The following CNTNAP3 variants were observed in gnomAD, a reference collection of about 807,000 sequenced individuals.
CNTNAP3 encodes the protein contactin-associated protein-like 3.
Under a neutral mutation model 92.1 loss-of-function variants are expected in CNTNAP3, and 36 were observed. That is an observed-to-expected ratio of 0.39 (90% confidence interval 0.30 to 0.52). The LOEUF (loss-of-function observed/expected upper bound fraction) is 0.52, where lower values mean the gene tolerates loss of function less well. Among genes scored for constraint, CNTNAP3 ranks in the 20% least tolerant of loss-of-function variants. The pLI is 0.76. For missense variants in CNTNAP3, 534 were observed against 1,069.6 expected (o/e 0.50, Z 6.98); for synonymous variants, 232 against 422.3 (o/e 0.55, Z 5.53).
intron 15 of CNTNAP3, among the ~76,000 whole-genome samples, chr9:39,107,110 G>T (rs183068572): frequency 1.8e-3 from 272 of 152,022 alleles, no homozygotes; most frequent in Middle Eastern, 3.4e-3. Flanking sequence ...CCATATAAAT[G>T]AATTAAATGT....
intron 13 of CNTNAP3, among the ~76,000 whole-genome samples, chr9:39,123,252 G>T (rs1388026023): frequency 6.6e-6 from 1 of 151,744 alleles, no homozygotes; most frequent in African/African-American, 2.4e-5. Flanking sequence ...CCGCCACCAC[G>T]CCCGGCTAAT....
chr9:39,108,447 C>A (rs114746926), intron 15 of CNTNAP3, among the ~76,000 whole-genome samples: 1,864 of 152,278 alleles, frequency 0.012, 44 homozygotes, highest in South Asian at 0.085. Context: ...CCTTGGTGAA[C>A]CACCTCTCTC....
intron 14 of CNTNAP3, among the ~76,000 whole-genome samples, chr9:39,116,611 G>A (rs566124216): frequency 6.6e-6 from 1 of 152,266 alleles, no homozygotes; most frequent in African/African-American, 2.4e-5. Context: ...GTTACTCACT[G>A]CACTAAAACT....
At chr9:39,115,771 AT>A (rs1239406760) in intron 14 of CNTNAP3, among the ~76,000 whole-genome samples, 1 of 152,060 alleles carries the variant, frequency 6.6e-6, no homozygotes, top group Non-Finnish European at 1.5e-5. Context: ...GGCTAAGGGT[AT>A]CAGAGGACCT....
chr9:39,149,695 G>A (rs1237287439), intron 10 of CNTNAP3, 111 bp downstream of exon 10: 10 of 758,392 alleles, frequency 1.3e-5, no homozygotes, highest in Non-Finnish European at 2.1e-5. Flanking sequence ...ATTCCCTCTC[G>A]AAAGATAACA....
intron 13 of CNTNAP3, among the ~76,000 whole-genome samples, chr9:39,120,526 C>G (rs571661874): frequency 6.6e-6 from 1 of 152,024 alleles, no homozygotes. Flanking sequence ...AAAAAATAGA[C>G]GAGCGTAGTG....
chr9:39,213,900 C>T, intron 3 of CNTNAP3, among the ~76,000 whole-genome samples: 1 of 15,910 alleles, frequency 6.3e-5, no homozygotes, highest in Non-Finnish European at 3.4e-4. Context: ...GAAGCCATTC[C>T]TAAACCTGAA....
At position 39,071,002 on chromosome 9, in the gene CNTNAP3, G is replaced by T. The variant is rs1825625532; in HGVS notation, c.*2888C>A. On this transcript the variant is annotated 3_prime_UTR_variant, in exon 24 of 24. Coordinates refer to ENST00000297668, the MANE Select transcript of CNTNAP3 (RefSeq NM_033655.5). ...TGGATTGAAGTTAAGAGAGAGAAGTGCCAGGAGTTCAGTCCACGCATGACA... is the reference window on the plus strand; with the variant it reads ...TGGATTGAAGTTAAGAGAGAGAAGTTCCAGGAGTTCAGTCCACGCATGACA... 6.6e-6 allele frequency among the ~76,000 whole-genome samples: 1 copy of T among 152,234 alleles called. No homozygotes were observed. The highest frequency in any genetic ancestry group is 6.5e-5 in the Admixed American group (1 of 15,284).
intron 13 of CNTNAP3, among the ~76,000 whole-genome samples, chr9:39,125,483 T>C (rs550397116): frequency 6.6e-6 from 1 of 152,172 alleles, no homozygotes; most frequent in African/African-American, 2.4e-5. Context: ...GTTGTGCACA[T>C]GTACCCTAGA....
chr9:39,114,207 C>T (rs1199277091), intron 14 of CNTNAP3, among the ~76,000 whole-genome samples: 3 of 151,540 alleles, frequency 2.0e-5, no homozygotes, highest in African/African-American at 7.3e-5. Flanking sequence ...CTCAGCCTCC[C>T]GAGTAGCTGG....
intron 13 of CNTNAP3, among the ~76,000 whole-genome samples, chr9:39,123,122 T>G (rs1367697756): frequency 7.3e-6 from 1 of 136,810 alleles, no homozygotes; most frequent in East Asian, 2.1e-4. Flanking sequence ...TGAGATGGAG[T>G]CTCTCTCTGT....
chr9:39,121,512 A>T lies in CNTNAP3; in HGVS notation c.2081-3253T>A, dbSNP rs1321716040. On this transcript the variant is annotated intron_variant, in intron 13 of 23. Coordinates refer to ENST00000297668, the MANE Select transcript of CNTNAP3 (RefSeq NM_033655.5). Reference sequence around the variant, plus strand: ...TAAACAGTTCTTCTTACACAGTTAAAGTCATAGGGCAAACATTACTCCTAA... The same window carrying T: ...TAAACAGTTCTTCTTACACAGTTAATGTCATAGGGCAAACATTACTCCTAA... Among the ~76,000 whole-genome samples the T allele has an allele frequency of 2.6e-5, 4 of 152,202 alleles. No homozygotes were observed. The East Asian group carries it at 7.7e-4, about 29-fold the overall frequency.
intron 13 of CNTNAP3, among the ~76,000 whole-genome samples, chr9:39,128,276 A>G (rs1047190635): frequency 1.3e-5 from 2 of 151,902 alleles, no homozygotes; most frequent in Non-Finnish European, 2.9e-5. Context: ...GAAACCAGAT[A>G]AAGACAATAT....
chr9:39,132,510 T>C lies in CNTNAP3; in HGVS notation c.2080+422A>G, dbSNP rs149078741. ...TGAGGAAGGGCATATTCAGTTAATC[T>C]AAAGGGAGGAAACAAACGTTCCAGG... On this transcript the variant is annotated intron_variant, in intron 13 of 23. Coordinates refer to ENST00000297668, the MANE Select transcript of CNTNAP3 (RefSeq NM_033655.5). Among the ~76,000 whole-genome samples the C allele has an allele frequency of 2.7e-3, 405 of 152,146 alleles. 2 individuals are homozygous for C. The highest frequency in any genetic ancestry group is 9.2e-3 in the African/African-American group (382 of 41,492).
At chr9:39,128,190 A>G (rs1821192924) in intron 13 of CNTNAP3, among the ~76,000 whole-genome samples, 1 of 151,996 alleles carries the variant, frequency 6.6e-6, no homozygotes, top group South Asian at 2.1e-4. Context: ...TCAATTTTAC[A>G]TAATCTCTTC....
Position 39,126,732 on chromosome 9 carries a change from T to TA in CNTNAP3, c.2080+6199dup, listed in dbSNP as rs566801920. Among the ~76,000 whole-genome samples the TA allele has an allele frequency of 2.6e-3, 392 of 151,904 alleles. 2 individuals carry two copies. Among genetic ancestry groups the TA allele is most frequent in the African/African-American group, 8.8e-3 (366 of 41,440 alleles). Reference sequence around the variant, plus strand: ...AATTTCTATGTAAACTTAAAATTGCTAAAAAATATAAAGCCTATTAATATA... The same window carrying TA: ...AATTTCTATGTAAACTTAAAATTGCTAAAAAAATATAAAGCCTATTAATATA... On this transcript the variant is annotated intron_variant, in intron 13 of 23. Transcript: ENST00000297668.
At chr9:39,116,519 A>G (rs542022306) in intron 14 of CNTNAP3, among the ~76,000 whole-genome samples, 5 of 152,234 alleles carry the variant, frequency 3.3e-5, no homozygotes, top group Non-Finnish European at 5.9e-5. Context: ...ATTGTACAAA[A>G]CCATTTTAAC....
chr9:39,145,954 T>A (rs1387232600), intron 10 of CNTNAP3, among the ~76,000 whole-genome samples: 4 of 146,474 alleles, frequency 2.7e-5, no homozygotes, highest in African/African-American at 7.5e-5. Context: ...CATCTTAAGA[T>A]CATACCTGAC....
chr9:39,087,489 TTTTG>T (rs1316791828), intron 19 of CNTNAP3, among the ~76,000 whole-genome samples: 29 of 151,672 alleles, frequency 1.9e-4, no homozygotes, highest in African/African-American at 6.5e-4. Context: ...AGATTTTTTT[TTTTG>T]TTTGTTTGTT....
Sources: allele counts gnomAD v4.1 joint callset (sites outside exome capture counted in the v4.1 genomes callset), GRCh38; gene constraint gnomAD v4.1.1; transcripts MANE v1.5; gene names NCBI Gene and HGNC (gene_info 2026-07-23, HGNC 2026-07-21).